SMIM31: variants seen among roughly 807,000 people sequenced by gnomAD.
SMIM31 encodes the protein human epithelial cell program regulator.
At position 164,754,150 on chromosome 4, in the gene SMIM31, A is replaced by T. The variant is rs1732520945; in HGVS notation, c.-287A>T. ...TTTCCTGTTTCCTTCTTGATCCTTC[A>T]CAAGGGAAGATTTTCTTTTTTAGAG... On this transcript the variant is annotated 5_prime_UTR_variant, in exon 1 of 3. Coordinates refer to ENST00000507311, the MANE Select transcript of SMIM31 (RefSeq NM_001352885.1). 6.6e-6 allele frequency: 1 copy of T among 152,208 alleles called. No homozygotes were observed. The highest frequency in any genetic ancestry group is 6.5e-5 in the Admixed American group (1 of 15,284). The allele number at this position is 152,208 out of a possible 1,614,324, so 9.4% of individuals were successfully genotyped here.
intron 2 of SMIM31, among the ~76,000 whole-genome samples, chr4:164,791,927 A>G (rs867752594): frequency 1.3e-5 from 2 of 152,090 alleles, no homozygotes. Flanking sequence ...CTCAGCTCGC[A>G]CTTATAGGTG....
intron 2 of SMIM31, among the ~76,000 whole-genome samples, chr4:164,784,168 G>A (rs897222904): frequency 4.6e-5 from 7 of 152,182 alleles, no homozygotes; most frequent in Non-Finnish European, 1.0e-4. Context: ...TGTGGGAGTG[G>A]TAACTGCACA....
Position 164,803,643 on chromosome 4 carries a change from A to C in SMIM31, c.*2449A>C, listed in dbSNP as rs879749429. On this transcript the variant is annotated 3_prime_UTR_variant, in exon 3 of 3. Transcript: ENST00000507311. ...AACCTCCTCTCTACTAAAAATACAAAAATTAGCCAGGCGTGGTGGTCCATG... is the reference window on the plus strand; with the variant it reads ...AACCTCCTCTCTACTAAAAATACAACAATTAGCCAGGCGTGGTGGTCCATG... 1 of 151,188 alleles carries C rather than the reference A, an allele frequency of 6.6e-6. No individual in the cohort carries two copies. The highest frequency in any genetic ancestry group is 1.5e-5 in the Non-Finnish European group (1 of 67,874). The allele number at this position is 151,188 out of a possible 1,614,324, so 9.4% of individuals were successfully genotyped here.
chr4:164,783,844 G>A (rs1732993133), intron 2 of SMIM31, among the ~76,000 whole-genome samples: 2 of 152,076 alleles, frequency 1.3e-5, no homozygotes, highest in African/African-American at 4.8e-5. Flanking sequence ...TTTTTTGCCT[G>A]TACTGACATT....
intron 2 of SMIM31, among the ~76,000 whole-genome samples, chr4:164,786,973 A>G (rs886440390): frequency 6.6e-6 from 1 of 152,234 alleles, no homozygotes; most frequent in Non-Finnish European, 1.5e-5. Context: ...TAGAACCATG[A>G]GGCTACAGGT....
intron 2 of SMIM31, among the ~76,000 whole-genome samples, chr4:164,788,826 T>G (rs1392686032): frequency 6.6e-6 from 1 of 152,162 alleles, no homozygotes; most frequent in Admixed American, 6.5e-5. Flanking sequence ...TGAGCTAGAT[T>G]GAAAAACATG....
chr4:164,767,014 A>C (rs1732729238), intron 1 of SMIM31, among the ~76,000 whole-genome samples: 2 of 152,142 alleles, frequency 1.3e-5, no homozygotes, highest in African/African-American at 4.8e-5. Context: ...GAACACAAGC[A>C]AGGTCAGTGC....
intron 2 of SMIM31, among the ~76,000 whole-genome samples, chr4:164,798,414 T>C (rs1206640947): frequency 6.6e-6 from 1 of 151,850 alleles, no homozygotes; most frequent in African/African-American, 2.4e-5. Context: ...TTTGTATTTT[T>C]TTTTTTTTAG....
chr4:164,760,353 T>A (rs989741880), intron 1 of SMIM31, among the ~76,000 whole-genome samples: 1 of 152,132 alleles, frequency 6.6e-6, no homozygotes, highest in Non-Finnish European at 1.5e-5. Flanking sequence ...TAAGACCCTA[T>A]TTCATTAAAC....
At chr4:164,771,617 C>G (rs1253501121) in intron 2 of SMIM31, among the ~76,000 whole-genome samples, 1 of 150,726 alleles carries the variant, frequency 6.6e-6, no homozygotes, top group Admixed American at 6.6e-5. Flanking sequence ...CTGGCTAACA[C>G]AGTGAAACCC....
At chr4:164,757,624 T>C (rs1357641997) in intron 1 of SMIM31, among the ~76,000 whole-genome samples, 2 of 152,114 alleles carry the variant, frequency 1.3e-5, no homozygotes, top group African/African-American at 4.8e-5. Flanking sequence ...GAAGTTCCTT[T>C]TTTTTTTCCT....
chr4:164,772,383 G>C (rs1040284702), intron 2 of SMIM31, among the ~76,000 whole-genome samples: 1 of 151,982 alleles, frequency 6.6e-6, no homozygotes, highest in African/African-American at 2.4e-5. Context: ...TTCAACACTG[G>C]GTATTACATT....
At chr4:164,756,591 T>G (rs946310199) in intron 1 of SMIM31, among the ~76,000 whole-genome samples, 1 of 148,976 alleles carries the variant, frequency 6.7e-6, no homozygotes, top group African/African-American at 2.5e-5. Flanking sequence ...ATAATAATAA[T>G]ATAAACAAAT....
At chr4:164,772,711 TGGGACTACA>T (rs1469586233) in intron 2 of SMIM31, among the ~76,000 whole-genome samples, 1 of 151,642 alleles carries the variant, frequency 6.6e-6, no homozygotes, top group Non-Finnish European at 1.5e-5. Context: ...CCCGTGTAGC[TGGGACTACA>T]GGCGCCCGCC....
chr4:164,796,592 T>C (rs1198222027), intron 2 of SMIM31, among the ~76,000 whole-genome samples: 1 of 152,208 alleles, frequency 6.6e-6, no homozygotes, highest in Non-Finnish European at 1.5e-5. Context: ...AAATCTAAAC[T>C]TAATTCCTGA....
chr4:164,755,000 TG>T (rs1732538624), intron 1 of SMIM31, among the ~76,000 whole-genome samples: 1 of 149,050 alleles, frequency 6.7e-6, no homozygotes, highest in African/African-American at 2.5e-5. Context: ...GAGGAAATAC[TG>T]TCATTTATCT....
At chr4:164,778,784 A>C (rs1283733870) in intron 2 of SMIM31, among the ~76,000 whole-genome samples, 1 of 152,164 alleles carries the variant, frequency 6.6e-6, no homozygotes, top group Non-Finnish European at 1.5e-5. Flanking sequence ...GTGAGTGTGA[A>C]GATGGGAACT....
chr4:164,757,892 C>G (rs1372810878), intron 1 of SMIM31, among the ~76,000 whole-genome samples: 1 of 151,984 alleles, frequency 6.6e-6, no homozygotes, highest in Non-Finnish European at 1.5e-5. Flanking sequence ...TTAGGTGCAG[C>G]CTTTGCATTT....
At chr4:164,798,297 G>A (rs1003193426) in intron 2 of SMIM31, among the ~76,000 whole-genome samples, 4 of 150,624 alleles carry the variant, frequency 2.7e-5, no homozygotes, top group Admixed American at 1.3e-4. Context: ...GCAATGGCTC[G>A]ATCTCAGGTC....
Sources: gnomAD v4.1 joint callset for allele counts (sites outside exome capture counted in the v4.1 genomes callset) on GRCh38, gnomAD v4.1.1 for gene constraint, MANE v1.5 for transcripts, NCBI Gene and HGNC (gene_info 2026-07-23, HGNC 2026-07-21) for gene names.